Variants in MAN1C1 observed in about 807,000 individuals in gnomAD.
The protein encoded by MAN1C1 is mannosyl-oligosaccharide 1,2-alpha-mannosidase IC.
A neutral mutation model predicts 71.5 loss-of-function variants in MAN1C1; 49 were observed. The observed-to-expected ratio is 0.69, with a 90% CI of 0.54 to 0.87. The LOEUF is 0.87. MAN1C1 is among the 40% of genes least tolerant of loss of function. The pLI, the probability that MAN1C1 is intolerant of heterozygous loss-of-function variation, is 0.00. For missense variants in MAN1C1, 743 were observed against 835.0 expected, an observed-to-expected ratio of 0.89 and a Z score of 1.36; for synonymous variants, 352 against 343.7, an observed-to-expected ratio of 1.02 and a Z score of -0.27.
Position 25,783,903 on chromosome 1 carries a change from G to A in MAN1C1, c.*114G>A, listed in dbSNP as rs2047733011. ...AGGCCCCATCTCGGGCAGACCCCCA[G>A]CAGATGTGTCGGACAAGCAACTTCT... is the stretch of plus-strand genomic sequence containing the variant. On this transcript the variant is annotated 3_prime_UTR_variant, in exon 12 of 12. Coordinates refer to ENST00000374332, the MANE Select transcript of MAN1C1 (RefSeq NM_020379.4). 7.3e-7 allele frequency: 1 copy of A among 1,373,396 alleles called. No homozygotes were observed. Among genetic ancestry groups the A allele is most frequent in the Non-Finnish European group, 9.8e-7 (1 of 1,025,184 alleles). 85.1% of individuals were successfully genotyped at this position (1,373,396 alleles called of 1,614,324 possible). A position where few individuals can be genotyped will look rare whatever the true frequency, so the allele number is the denominator to read the frequency against.
chr1:25,693,749 A>C (rs946357031), intron 2 of MAN1C1, among the ~76,000 whole-genome samples: 1 of 152,168 alleles, frequency 6.6e-6, no homozygotes, highest in African/African-American at 2.4e-5. Flanking sequence ...CAGAGAGGAG[A>C]ATGGATTTGA....
At chr1:25,649,239 G>A (rs372938285) in intron 1 of MAN1C1, among the ~76,000 whole-genome samples, 1 of 152,220 alleles carries the variant, frequency 6.6e-6, no homozygotes. Context: ...GCAAGTGCAG[G>A]CTGAATAGGG....
intron 5 of MAN1C1, among the ~76,000 whole-genome samples, chr1:25,754,707 C>T (rs1455378883): frequency 6.6e-6 from 1 of 152,136 alleles, no homozygotes; most frequent in Non-Finnish European, 1.5e-5. Context: ...CCTCTGGCTC[C>T]CCCTCCCCGG....
intron 3 of MAN1C1, among the ~76,000 whole-genome samples, chr1:25,748,719 G>A (rs1030734147): frequency 3.9e-5 from 6 of 152,334 alleles, no homozygotes; most frequent in South Asian, 2.1e-4. Flanking sequence ...TGCCCTGTGC[G>A]CTCCGAGCTG....
At chr1:25,635,986 G>A (rs1324950147) in intron 1 of MAN1C1, among the ~76,000 whole-genome samples, 2 of 152,110 alleles carry the variant, frequency 1.3e-5, no homozygotes, top group Non-Finnish European at 2.9e-5. Flanking sequence ...ATCACATATC[G>A]GTAGGACCGT....
At chr1:25,761,320 T>C (rs1320603428) in intron 6 of MAN1C1, 1 of 152,172 alleles carries the variant, frequency 6.6e-6, no homozygotes, top group African/African-American at 2.4e-5. Flanking sequence ...GGGCATCAGA[T>C]AAAATAGCAT....
At chr1:25,627,839 C>A (rs1572103639) in intron 1 of MAN1C1, among the ~76,000 whole-genome samples, 2 of 150,648 alleles carry the variant, frequency 1.3e-5, no homozygotes, top group Non-Finnish European at 2.9e-5. Context: ...TCCAGACCAG[C>A]CTGGGCAACA....
intron 1 of MAN1C1, among the ~76,000 whole-genome samples, chr1:25,660,324 T>C (rs1197489174): frequency 2.0e-5 from 3 of 151,656 alleles, no homozygotes; most frequent in East Asian, 3.9e-4. Context: ...TCACTTGAAC[T>C]TGGGAGACAG....
At chr1:25,726,056 G>A (rs1329183812) in intron 2 of MAN1C1, among the ~76,000 whole-genome samples, 4 of 152,242 alleles carry the variant, frequency 2.6e-5, no homozygotes, top group African/African-American at 7.2e-5. Flanking sequence ...CCTCTATGAT[G>A]GGGGACTCTC....
chr1:25,713,392 A>G (rs769015644), intron 2 of MAN1C1, among the ~76,000 whole-genome samples: 2 of 152,252 alleles, frequency 1.3e-5, no homozygotes, highest in Non-Finnish European at 2.9e-5. Context: ...CAGCATAAGC[A>G]TACCAAATGG....
intron 2 of MAN1C1, among the ~76,000 whole-genome samples, chr1:25,715,605 C>G (rs1351607568): frequency 6.6e-6 from 1 of 152,188 alleles, no homozygotes; most frequent in Admixed American, 6.5e-5. Flanking sequence ...GGGCTTGAAC[C>G]ATGCCATGGT....
At chr1:25,621,514 CATGGG>C (rs2124746745) in intron 1 of MAN1C1, among the ~76,000 whole-genome samples, 1 of 152,228 alleles carries the variant, frequency 6.6e-6, no homozygotes, top group East Asian at 1.9e-4. Context: ...TTGTCTCACA[CATGGG>C]AATGTACAGC....
chr1:25,628,018 G>T (rs1010125918), intron 1 of MAN1C1, among the ~76,000 whole-genome samples: 1 of 152,156 alleles, frequency 6.6e-6, no homozygotes, highest in African/African-American at 2.4e-5. Context: ...CTGTACTCCA[G>T]CCTGGGTGAC....
At chr1:25,718,803 A>G (rs1009859955) in intron 2 of MAN1C1, among the ~76,000 whole-genome samples, 2 of 152,180 alleles carry the variant, frequency 1.3e-5, no homozygotes, top group Non-Finnish European at 2.9e-5. Context: ...TTATAAATCT[A>G]CCACATCTTA....
chr1:25,774,261 G>T (rs2047591037), intron 8 of MAN1C1, among the ~76,000 whole-genome samples: 1 of 152,226 alleles, frequency 6.6e-6, no homozygotes, highest in Non-Finnish European at 1.5e-5. Flanking sequence ...ACACCCCTGA[G>T]TGTCACGGCA....
chr1:25,783,656 G>A lies in MAN1C1; in HGVS notation c.1767-7G>A, dbSNP rs1482784677. The A allele has an allele frequency of 6.2e-7, 1 of 1,611,264 alleles. No homozygotes were observed. Among genetic ancestry groups the A allele is most frequent in the Admixed American group, 1.7e-5 (1 of 59,984 alleles). On this transcript the variant is annotated splice_region_variant and splice_polypyrimidine_tract_variant and intron_variant, in intron 11 of 11. Transcript: ENST00000374332. ...TGTCTTGCTTCCCTGCCCTGCGTGG[G>A]GCACAGGTATCTCTATCTTCTGTTC...
chr1:25,744,245 C>T (rs2047098033), intron 2 of MAN1C1, among the ~76,000 whole-genome samples: 1 of 152,182 alleles, frequency 6.6e-6, no homozygotes, highest in Non-Finnish European at 1.5e-5. Flanking sequence ...CCTGCTTGAG[C>T]ACCTCGAGAG....
At chr1:25,642,041 A>G (rs925666823) in intron 1 of MAN1C1, among the ~76,000 whole-genome samples, 1 of 152,244 alleles carries the variant, frequency 6.6e-6, no homozygotes, top group Non-Finnish European at 1.5e-5. Flanking sequence ...GCATGGATGT[A>G]GGGAAATATT....
chr1:25,722,958 A>G (rs1006492208), intron 2 of MAN1C1, among the ~76,000 whole-genome samples: 31 of 152,324 alleles, frequency 2.0e-4, no homozygotes, highest in African/African-American at 7.5e-4. Flanking sequence ...TCCTGATCAC[A>G]GCCTTCTGAT....
Sources: allele counts gnomAD v4.1 joint callset (sites outside exome capture counted in the v4.1 genomes callset), GRCh38; gene constraint gnomAD v4.1.1; transcripts MANE v1.5; gene names NCBI Gene and HGNC (gene_info 2026-07-23, HGNC 2026-07-21).